The following CDH10 variants were observed in gnomAD, a reference collection of about 807,000 sequenced individuals.
The protein encoded by CDH10 is cadherin 10.
CDH10 carries 30 observed loss-of-function variants against 73.1 expected under a neutral mutation model. That is an observed-to-expected ratio of 0.41 (90% CI 0.31 to 0.56). The LOEUF is 0.56. Among genes scored for constraint, CDH10 ranks in the 20% least tolerant of loss-of-function variants. The pLI, the probability that CDH10 is intolerant of heterozygous loss-of-function variation, is 0.27. For synonymous variants in CDH10, 345 were observed against 348.2 expected, an observed-to-expected ratio of 0.99 and a Z score of 0.10; for missense variants, 815 against 973.7, an observed-to-expected ratio of 0.84 and a Z score of 2.17.
At chr5:24,577,425 AG>A (rs1745646260) in intron 2 of CDH10, among the ~76,000 whole-genome samples, 2 of 152,192 alleles carry the variant, frequency 1.3e-5, no homozygotes, top group South Asian at 4.1e-4. Flanking sequence ...TTAATTGCAT[AG>A]ATTTTCCATC....
At chr5:24,557,057 A>G (rs1744793009) in intron 2 of CDH10, among the ~76,000 whole-genome samples, 1 of 151,828 alleles carries the variant, frequency 6.6e-6, no homozygotes, top group Non-Finnish European at 1.5e-5. Context: ...TGATGTGCTT[A>G]AAGTCTCTAA....
intron 2 of CDH10, among the ~76,000 whole-genome samples, chr5:24,571,127 A>T (rs1341898466): frequency 6.6e-6 from 1 of 152,122 alleles, no homozygotes; most frequent in East Asian, 1.9e-4. Context: ...CAGAGAACCA[A>T]TATTTTCTTT....
intron 2 of CDH10, among the ~76,000 whole-genome samples, chr5:24,560,617 T>C (rs1744926363): frequency 6.6e-6 from 1 of 152,066 alleles, no homozygotes; most frequent in Non-Finnish European, 1.5e-5. Context: ...ATAGATACTA[T>C]TATTTTATTT....
chr5:24,568,051 G>A lies in CDH10; in HGVS notation c.231+25209C>T, dbSNP rs537104922. On this transcript the variant is annotated intron_variant, in intron 2 of 11. Coordinates refer to ENST00000264463, the MANE Select transcript of CDH10 (RefSeq NM_006727.5). ...CATAATTTTATAGAGAGTAGCAGAG[G>A]GTGAAACTGAGGGTTCATGATCTAT... 2.3e-4 allele frequency among the ~76,000 whole-genome samples: 35 copies of A among 152,102 alleles called. No homozygotes were observed. In the South Asian group the frequency reaches 7.1e-3, roughly 31 times the overall value.
At chr5:24,596,207 A>C (rs1426935817) in intron 1 of CDH10, among the ~76,000 whole-genome samples, 1 of 151,936 alleles carries the variant, frequency 6.6e-6, no homozygotes, top group Non-Finnish European at 1.5e-5. Flanking sequence ...AGATATTTCA[A>C]AACATTGTGA....
intron 2 of CDH10, among the ~76,000 whole-genome samples, chr5:24,570,115 A>C (rs1445610053): frequency 6.6e-6 from 1 of 152,010 alleles, no homozygotes; most frequent in African/African-American, 2.4e-5. Flanking sequence ...AATTGGTCCA[A>C]TTTTCTGTTA....
chr5:24,604,454 T>C (rs755858032), intron 1 of CDH10, among the ~76,000 whole-genome samples: 3 of 152,200 alleles, frequency 2.0e-5, no homozygotes, highest in Non-Finnish European at 2.9e-5. Flanking sequence ...TCTTTTGTAA[T>C]TGGTAAAGAT....
At position 24,509,606 on chromosome 5, in the gene CDH10, C is replaced by T. The variant is rs2111750280; in HGVS notation, c.1216G>A (p.Val406Ile). The T allele has an allele frequency of 6.2e-7, 1 of 1,613,968 alleles. No individual in the cohort carries two copies. Among genetic ancestry groups the T allele is most frequent in the Non-Finnish European group, 8.5e-7 (1 of 1,179,922 alleles). ...ATAGAATCTGGGTCCCTTGCCATTA[C>T]AGTACCAATGATTGTGCCCACTTCA... ...DIEVGTIIGT[V>I]MARDPDSISS... The change falls in exon 7 of 12, where the codon GTA becomes ATA. Residue 406 changes from valine to isoleucine, a missense_variant. Physicochemically the swap from Val to Ile is conservative, Grantham distance 29. This residue lies in a region of CDH10 where 516 missense variants were observed against 636.6 expected (regional missense o/e 0.81). Coordinates refer to ENST00000264463, the MANE Select transcript of CDH10 (RefSeq NM_006727.5).
At chr5:24,629,993 C>T (rs952306207) in intron 1 of CDH10, among the ~76,000 whole-genome samples, 1 of 152,058 alleles carries the variant, frequency 6.6e-6, no homozygotes, top group African/African-American at 2.4e-5. Context: ...AAATGCAAAC[C>T]ATAATATATG....
At chr5:24,644,125 C>T (rs1340948302) in intron 1 of CDH10, among the ~76,000 whole-genome samples, 1 of 152,080 alleles carries the variant, frequency 6.6e-6, no homozygotes, top group African/African-American at 2.4e-5. Flanking sequence ...TTATATTGAA[C>T]GTACAATGAA....
intron 1 of CDH10, among the ~76,000 whole-genome samples, chr5:24,633,246 T>C (rs905047331): frequency 5.3e-5 from 8 of 151,808 alleles, no homozygotes; most frequent in African/African-American, 1.9e-4. Context: ...AGGTACATAC[T>C]AGTAAAATTA....
intron 2 of CDH10, among the ~76,000 whole-genome samples, chr5:24,581,067 T>C (rs1745780164): frequency 6.6e-6 from 1 of 152,144 alleles, no homozygotes; most frequent in Non-Finnish European, 1.5e-5. Context: ...TGAAGTGACA[T>C]GCTCACAGTT....
intron 1 of CDH10, among the ~76,000 whole-genome samples, chr5:24,600,050 T>A (rs1746507046): frequency 6.6e-6 from 1 of 152,062 alleles, no homozygotes; most frequent in African/African-American, 2.4e-5. Context: ...TTGTAATTAA[T>A]TCTTTATTTT....
At chr5:24,570,911 T>C (rs11948092) in intron 2 of CDH10, among the ~76,000 whole-genome samples, 61,403 of 151,852 alleles carry the variant, frequency 0.4, 14,025 homozygotes, top group East Asian at 0.54. Flanking sequence ...CTTCAGTGTG[T>C]AGTGTGAATG....
intron 5 of CDH10, among the ~76,000 whole-genome samples, chr5:24,532,818 G>A (rs1290127361): frequency 6.6e-6 from 1 of 151,856 alleles, no homozygotes; most frequent in Admixed American, 6.6e-5. Flanking sequence ...TACACTTTGG[G>A]TATAATAATA....
chr5:24,522,422 A>G (rs1306790394), intron 5 of CDH10, among the ~76,000 whole-genome samples: 1 of 152,120 alleles, frequency 6.6e-6, no homozygotes, highest in Non-Finnish European at 1.5e-5. Flanking sequence ...TTCTAGGAAC[A>G]TAAGGGACTA....
chr5:24,591,712 T>G (rs1278684177), intron 2 of CDH10, among the ~76,000 whole-genome samples: 2 of 151,880 alleles, frequency 1.3e-5, no homozygotes. Flanking sequence ...AGCTTAATAC[T>G]CTCTTACTAC....
chr5:24,537,822 A>C, intron 2 of CDH10, 148 bp from the exon 3 acceptor site: 1 of 581,568 alleles, frequency 1.7e-6, no homozygotes, highest in East Asian at 2.8e-5. Flanking sequence ...AAGTTTGATC[A>C]CACGCATTTA....
intron 2 of CDH10, among the ~76,000 whole-genome samples, chr5:24,586,318 T>A (rs1745991571): frequency 6.6e-6 from 1 of 152,124 alleles, no homozygotes; most frequent in Admixed American, 6.6e-5. Flanking sequence ...CTTTGCCTAC[T>A]GTGGATTAGA....
Sources: allele counts gnomAD v4.1 joint callset (sites outside exome capture counted in the v4.1 genomes callset), GRCh38; gene constraint gnomAD v4.1.1; regional missense constraint gnomAD v4.1.1; transcripts MANE v1.5; gene names NCBI Gene and HGNC (gene_info 2026-07-23, HGNC 2026-07-21).